ABCC9: variants seen among roughly 807,000 people sequenced by gnomAD.
ABCC9 encodes the protein ATP-binding cassette sub-family C member 9.
Under a neutral mutation model 188.3 loss-of-function variants are expected in ABCC9, and 95 were observed. That is an observed-to-expected ratio of 0.50 (90% CI 0.43 to 0.60). The LOEUF is 0.60. Ranked by LOEUF, ABCC9 falls within the 20% of genes least tolerant of loss-of-function variation. The pLI is 0.00. For synonymous variants in ABCC9, 659 were observed against 652.7 expected, an observed-to-expected ratio of 1.01 and a Z score of -0.15; for missense variants, 1,102 against 1,876.3, an observed-to-expected ratio of 0.59 and a Z score of 7.62.
At chr12:21,897,502 ATGTT>A in intron 12 of ABCC9, among the ~76,000 whole-genome samples, 1 of 152,314 alleles carries the variant, frequency 6.6e-6, no homozygotes, top group East Asian at 1.9e-4. Context: ...CACTCAATAA[ATGTT>A]TGTATTATCC....
chr12:21,915,690 T>C lies in ABCC9; in HGVS notation c.794A>G (p.Lys265Arg), dbSNP rs774415124. 1 of 1,611,882 alleles carries C rather than the reference T, an allele frequency of 6.2e-7. No homozygotes were observed. The highest frequency in any genetic ancestry group is 1.1e-5 in the South Asian group (1 of 90,984). ...CACCTTTTGTTCTTCATATGCATCT[T>C]TCAGGCAAACATAATTTGTTACTGC... is the stretch of plus-strand genomic sequence containing the variant. ...MRAVTNYVCL[K>R]DAYEEQKKKV... The change falls in exon 7 of 40, where the codon AAA becomes AGA. Residue 265 changes from lysine to arginine, a missense_variant. Lys to Arg is a conservative substitution (Grantham distance 26, BLOSUM62 2). Coordinates refer to ENST00000261200, the MANE Select transcript of ABCC9 (RefSeq NM_020297.4).
At chr12:21,927,805 G>A (rs777803419) in intron 4 of ABCC9, among the ~76,000 whole-genome samples, 18 of 152,078 alleles carry the variant, frequency 1.2e-4, no homozygotes, top group Non-Finnish European at 2.1e-4. Context: ...GTATGGTAGC[G>A]CTTAAAAACC....
chr12:21,800,602 C>T lies in ABCC9; in HGVS notation c.*442G>A, dbSNP rs1239741658. 1.3e-5 allele frequency: 2 copies of T among 158,886 alleles called. No homozygotes were observed. The highest frequency in any genetic ancestry group is 1.8e-4 in the South Asian group (1 of 5,420). 9.8% of individuals were successfully genotyped at this position (158,886 alleles called of 1,614,324 possible). A position where few individuals can be genotyped will look rare whatever the true frequency, so the allele number is the denominator to read the frequency against. ...AAGTAGATAATGAATTTGAGAGTTT[C>T]GTTAGAAAACATGTCCTTTTTTATT... On this transcript the variant is annotated 3_prime_UTR_variant, in exon 40 of 40. Transcript: ENST00000261200.
chr12:21,911,303 G>A (rs1948313758), intron 8 of ABCC9, among the ~76,000 whole-genome samples: 1 of 151,906 alleles, frequency 6.6e-6, no homozygotes, highest in African/African-American at 2.4e-5. Context: ...TAATTTGGAA[G>A]TAGAAGCTAT....
At chr12:21,810,439 T>C (rs1283823) in intron 36 of ABCC9, among the ~76,000 whole-genome samples, 4,574 of 151,916 alleles carry the variant, frequency 0.03, 235 homozygotes, top group African/African-American at 0.1. Flanking sequence ...AAGAAAGAGG[T>C]TTAATTGACT....
At chr12:21,939,623 C>T (rs768764626) in intron 2 of ABCC9, among the ~76,000 whole-genome samples, 2 of 152,096 alleles carry the variant, frequency 1.3e-5, no homozygotes, top group Non-Finnish European at 2.9e-5. Context: ...CAGCTAAGCA[C>T]TGAGGGAGGC....
chr12:21,912,220 G>A (rs1219461261), intron 8 of ABCC9, among the ~76,000 whole-genome samples: 2 of 151,934 alleles, frequency 1.3e-5, no homozygotes, highest in East Asian at 1.9e-4. Context: ...TTAATCTGGC[G>A]ATAGTTTCTA....
chr12:21,923,711 A>T, intron 5 of ABCC9: 1 of 607,384 alleles, frequency 1.6e-6, no homozygotes, highest in Non-Finnish European at 2.9e-6. Flanking sequence ...AAAAGATGTC[A>T]GTTTCTTAAA....
chr12:21,812,072 T>C lies in ABCC9; in HGVS notation c.4188A>G (p.Pro1396=), dbSNP rs1057523571. The C allele has an allele frequency of 2.5e-6, 4 of 1,611,162 alleles. No homozygotes were observed. The highest frequency in any genetic ancestry group is 3.4e-6 in the Non-Finnish European group (4 of 1,177,458). The change falls in exon 36 of 40, where the codon CCA becomes CCG. Residue 1396 remains proline (P), a synonymous_variant. Transcript: ENST00000261200. ...ACCTAATGGAACCACTGAATAGTAT[T>C]GGATCCTGCAGAATGATTGAAAGTC... The part of the protein sequence containing the change: ...RSRLSIILQD[P]ILFSGSIRFN...
chr12:21,926,066 A>G lies in ABCC9; in HGVS notation c.285-3T>C. On this transcript the variant is annotated splice_polypyrimidine_tract_variant and splice_region_variant and intron_variant, in intron 4 of 39. Transcript: ENST00000261200. ...GGAGGTGCCTTGATTCCCGCCGCCT[A>G]GAAAGAGCAGTACGTCAACGCCTAA... is the stretch of plus-strand genomic sequence containing the variant. 6.2e-7 allele frequency: 1 copy of G among 1,614,086 alleles called. No homozygotes were observed. The highest frequency in any genetic ancestry group is 8.5e-7 in the Non-Finnish European group (1 of 1,179,972).
At chr12:21,873,194 C>T (rs1181676525) in intron 17 of ABCC9, among the ~76,000 whole-genome samples, 1 of 151,746 alleles carries the variant, frequency 6.6e-6, no homozygotes, top group Non-Finnish European at 1.5e-5. Context: ...AATGACCTGG[C>T]ATAAGGCCAG....
At chr12:21,819,434 G>A (rs187625603) in intron 31 of ABCC9, among the ~76,000 whole-genome samples, 4 of 152,204 alleles carry the variant, frequency 2.6e-5, no homozygotes, top group Non-Finnish European at 5.9e-5. Flanking sequence ...GTACATTCCT[G>A]TCTCTTTTAA....
At chr12:21,876,092 A>G (rs1439682885) in intron 16 of ABCC9, among the ~76,000 whole-genome samples, 1 of 152,168 alleles carries the variant, frequency 6.6e-6, no homozygotes, top group Non-Finnish European at 1.5e-5. Flanking sequence ...TGTAAGTACT[A>G]AAAGACTCAA....
Position 21,797,892 on chromosome 12 carries a change from T to C in ABCC9, c.*3152A>G, listed in dbSNP as rs541010005. The stretch of plus-strand genomic sequence containing the variant: ...ATGATTTAAAAATTGATTTGACTAA[T>C]TAAATATAAAATTTATAAATGTAAA... On this transcript the variant is annotated 3_prime_UTR_variant, in exon 40 of 40. Transcript: ENST00000261200. 7.9e-5 allele frequency: 12 copies of C among 152,338 alleles called. No homozygotes were observed. Among genetic ancestry groups the C allele is most frequent in the African/African-American group, 2.9e-4 (12 of 41,592 alleles). The allele number at this position is 152,338 out of a possible 1,614,324, so 9.4% of individuals were successfully genotyped here.
At chr12:21,913,396 G>A (rs1948410893) in intron 7 of ABCC9, among the ~76,000 whole-genome samples, 1 of 152,118 alleles carries the variant, frequency 6.6e-6, no homozygotes, top group Non-Finnish European at 1.5e-5. Flanking sequence ...CTTTGATTGG[G>A]AAAATATATA....
At chr12:21,868,698 A>G (rs190083735) in intron 18 of ABCC9, among the ~76,000 whole-genome samples, 1 of 152,338 alleles carries the variant, frequency 6.6e-6, no homozygotes, top group East Asian at 1.9e-4. Flanking sequence ...AAAGAATGAT[A>G]GCAAAGTATT....
At chr12:21,883,905 A>G (rs756595268) in intron 15 of ABCC9, among the ~76,000 whole-genome samples, 9 of 152,148 alleles carry the variant, frequency 5.9e-5, no homozygotes, top group Non-Finnish European at 1.2e-4. Flanking sequence ...AATGTAAGTC[A>G]TATCTAGAAA....
chr12:21,864,430 AAAT>A lies in ABCC9; in HGVS notation c.2237+6_2237+8del, dbSNP rs1227506828. The A allele has an allele frequency of 1.9e-6, 3 of 1,572,286 alleles. No homozygotes were observed. Among genetic ancestry groups the A allele is most frequent in the Middle Eastern group, 1.7e-4 (1 of 5,944 alleles). The stretch of plus-strand genomic sequence containing the variant: ...TCTTATTAAACTCAGGTTAAAATAG[AAAT>A]AATACCTTCTGGTTGCTTCAAAAGA... On this transcript the variant is annotated splice_donor_region_variant and intron_variant, in intron 19 of 39. Coordinates refer to ENST00000261200, the MANE Select transcript of ABCC9 (RefSeq NM_020297.4).
intron 12 of ABCC9, among the ~76,000 whole-genome samples, chr12:21,904,077 A>G (rs1231280080): frequency 6.6e-6 from 1 of 152,328 alleles, no homozygotes; most frequent in African/African-American, 2.4e-5. Context: ...GTACCAAAAC[A>G]GAGATATAGA....
Sources: gnomAD v4.1 joint callset for allele counts (sites outside exome capture counted in the v4.1 genomes callset) on GRCh38, gnomAD v4.1.1 for gene constraint, MANE v1.5 for transcripts, NCBI Gene and HGNC (gene_info 2026-07-23, HGNC 2026-07-21) for gene names.